Variants in GCNT1 observed in about 807,000 individuals in gnomAD.
GCNT1 encodes beta-1,3-galactosyl-O-glycosyl-glycoprotein beta-1,6-N-acetylglucosaminyltransferase.
Under a neutral mutation model 26.2 loss-of-function variants are expected in GCNT1, and 16 were observed. That is an observed-to-expected ratio of 0.61 (90% CI 0.41 to 0.93). The LOEUF (loss-of-function observed/expected upper bound fraction) is 0.93, where lower values mean the gene tolerates loss of function less well. GCNT1 is among the 40% of genes least tolerant of loss of function. GCNT1 has a pLI of 0.00. For missense variants in GCNT1, 477 were observed against 526.7 expected (o/e 0.91, Z 0.92); for synonymous variants, 183 against 190.8 (o/e 0.96, Z 0.34).
Position 76,504,932 on chromosome 9 carries a change from GTA to G in GCNT1, c.*1266_*1267del, listed in dbSNP as rs1825198499. 4.8e-6 allele frequency: 2 copies of G among 412,930 alleles called. No individual in the cohort carries two copies. The highest frequency in any genetic ancestry group is 4.1e-5 in the African/African-American group (2 of 48,604). 25.6% of individuals were successfully genotyped at this position (412,930 alleles called of 1,614,324 possible). A position where few individuals can be genotyped will look rare whatever the true frequency, so the allele number is the denominator to read the frequency against. ...GGACAGATTTTTTTTTTTGTTTTTG[GTA>G]TCATTCACAGCATACGATTTTTACT... is the stretch of plus-strand genomic sequence containing the variant. On this transcript the variant is annotated 3_prime_UTR_variant, in exon 4 of 4. Transcript: ENST00000376730.
At chr9:76,398,559 C>T in the GCNT1 span, 3 of 644,096 alleles carry the variant, frequency 4.7e-6, no homozygotes. Flanking sequence ...AGAAATTGTG[C>T]TCACTTATAT....
chr9:76,494,241 C>T (rs1027524326), intron 2 of GCNT1, among the ~76,000 whole-genome samples: 2 of 152,152 alleles, frequency 1.3e-5, no homozygotes, highest in African/African-American at 2.4e-5. Flanking sequence ...TGCACCCTTG[C>T]GTATTCTCCT....
In GCNT1 at chr9:76,502,793, AGGCT is replaced by A. The variant is rs1306304008; in HGVS notation, c.414_417del (p.Arg138SerfsTer2). On this transcript the variant is annotated frameshift_variant, in exon 4 of 4. Transcript: ENST00000376730. LOFTEE classifies it high-confidence loss of function. ...TCATCACAAGATTGAAATGCTTGAC[AGGCT>A]GCTGAGGGCCATCTATATGCCTCAG... The A allele has an allele frequency of 6.2e-7, 1 of 1,614,040 alleles. No homozygotes were observed. Among genetic ancestry groups the A allele is most frequent in the Admixed American group, 1.7e-5 (1 of 60,002 alleles).
intron 1 of GCNT1, among the ~76,000 whole-genome samples, chr9:76,425,136 CTA>C (rs1491430149): frequency 1.7e-5 from 1 of 58,714 alleles, no homozygotes; most frequent in Non-Finnish European, 3.3e-5. Context: ...GAAACTCCGT[CTA>C]AAAAAAAAAA....
the GCNT1 span, among the ~76,000 whole-genome samples, chr9:76,405,934 T>C: frequency 6.6e-6 from 1 of 152,192 alleles, no homozygotes; most frequent in Non-Finnish European, 1.5e-5. Context: ...GATCATGTGG[T>C]AAGAGTATGT....
intron 2 of GCNT1, among the ~76,000 whole-genome samples, chr9:76,496,685 T>C (rs2131637740): frequency 6.6e-6 from 1 of 152,346 alleles, no homozygotes; most frequent in Admixed American, 6.5e-5. Flanking sequence ...TCTTATTGAC[T>C]ATATAAAAGA....
At chr9:76,409,313 T>C in the GCNT1 span, among the ~76,000 whole-genome samples, 2 of 152,210 alleles carry the variant, frequency 1.3e-5, no homozygotes. Context: ...TCTGATGTTA[T>C]TAAGTTGTGT....
At chr9:76,453,796 C>T (rs947659441) in intron 1 of GCNT1, among the ~76,000 whole-genome samples, 4 of 152,300 alleles carry the variant, frequency 2.6e-5, no homozygotes, top group South Asian at 4.1e-4. Context: ...CCCAAGAGTC[C>T]TCAAGTCCTG....
chr9:76,507,358 G>C lies in GCNT1; in HGVS notation c.*3690G>C, dbSNP rs568480024. ...GTTTTACTCTTTTGAATGAGGGTGC[G>C]ACAGAATGCAGTTAGAATCAGTTCA... On this transcript the variant is annotated 3_prime_UTR_variant, in exon 4 of 4. Coordinates refer to ENST00000376730, the MANE Select transcript of GCNT1 (RefSeq NM_001490.5). The C allele has an allele frequency of 6.0e-6, 1 of 166,878 alleles. No individual in the cohort carries two copies. Among genetic ancestry groups the C allele is most frequent in the Non-Finnish European group, 1.5e-5 (1 of 68,082 alleles). The allele number at this position is 166,878 out of a possible 1,614,324, so 10.3% of individuals were successfully genotyped here.
chr9:76,418,498 C>T (rs1823151478), upstream of GCNT1, among the ~76,000 whole-genome samples: 1 of 152,150 alleles, frequency 6.6e-6, no homozygotes, highest in African/African-American at 2.4e-5. Context: ...GGGGTCTATT[C>T]AGACGGTTGG....
chr9:76,448,731 C>T (rs1401942046), intron 1 of GCNT1, among the ~76,000 whole-genome samples: 3 of 152,168 alleles, frequency 2.0e-5, no homozygotes, highest in African/African-American at 2.4e-5. Context: ...TGTACTCTTT[C>T]GTGTTTGGCA....
chr9:76,442,606 G>A (rs577936592), intron 1 of GCNT1, among the ~76,000 whole-genome samples: 6 of 152,252 alleles, frequency 3.9e-5, no homozygotes, highest in Admixed American at 1.3e-4. Flanking sequence ...ACTTGAACCC[G>A]TGAGGCAGAG....
upstream of GCNT1, among the ~76,000 whole-genome samples, chr9:76,419,572 C>T (rs143649468): frequency 2.0e-5 from 3 of 152,074 alleles, no homozygotes; most frequent in Admixed American, 6.6e-5. Flanking sequence ...GTGAGAGGAT[C>T]CCTTGAGCCC....
At chr9:76,487,288 G>A (rs759203375) in intron 2 of GCNT1, among the ~76,000 whole-genome samples, 14 of 152,108 alleles carry the variant, frequency 9.2e-5, no homozygotes, top group South Asian at 2.1e-4. Context: ...ACAGTCCTCC[G>A]AGATACTGGC....
At chr9:76,408,004 G>A in the GCNT1 span, among the ~76,000 whole-genome samples, 11 of 152,136 alleles carry the variant, frequency 7.2e-5, no homozygotes, top group Non-Finnish European at 1.5e-4. Flanking sequence ...TTATTTATTA[G>A]TTCCAGGAAT....
the GCNT1 span, among the ~76,000 whole-genome samples, chr9:76,398,529 G>A: frequency 1.3e-5 from 2 of 152,136 alleles, no homozygotes; most frequent in Non-Finnish European, 2.9e-5. Context: ...AAAACTAAAC[G>A]TACTTTTACT....
At chr9:76,473,680 G>T (rs1356578174) in intron 2 of GCNT1, among the ~76,000 whole-genome samples, 1 of 152,162 alleles carries the variant, frequency 6.6e-6, no homozygotes, top group Non-Finnish European at 1.5e-5. Flanking sequence ...GCTAGGAGAG[G>T]CTAAGAATTT....
the GCNT1 span, among the ~76,000 whole-genome samples, chr9:76,411,014 C>T: frequency 3.3e-5 from 5 of 152,188 alleles, no homozygotes; most frequent in Non-Finnish European, 1.5e-5. Flanking sequence ...TGCTCCCACT[C>T]CCTTTTGATT....
At chr9:76,465,221 G>A (rs1030072306) in intron 2 of GCNT1, among the ~76,000 whole-genome samples, 2 of 151,328 alleles carry the variant, frequency 1.3e-5, no homozygotes, top group Non-Finnish European at 2.9e-5. Context: ...GTGCAATGGT[G>A]CAATCTCGGC....
Sources: allele counts gnomAD v4.1 joint callset (sites outside exome capture counted in the v4.1 genomes callset), GRCh38; gene constraint gnomAD v4.1.1; transcripts MANE v1.5; gene names NCBI Gene and HGNC (gene_info 2026-07-23, HGNC 2026-07-21).